TNS3: variants seen among roughly 807,000 people sequenced by gnomAD.
TNS3 encodes the protein tensin-3.
Under a neutral mutation model 140.9 loss-of-function variants are expected in TNS3, and 45 were observed. The ratio of observed to expected loss-of-function variants is 0.32; its 90% CI spans 0.25 to 0.41. TNS3 has a LOEUF of 0.41. Among genes scored for constraint, TNS3 ranks in the 10% least tolerant of loss-of-function variants. The pLI is 1.00. For missense variants in TNS3, 1,716 were observed against 1,906.7 expected (o/e 0.90, Z 1.86); for synonymous variants, 815 against 788.4 (o/e 1.03, Z -0.56).
chr7:47,362,490 G>A (rs190449857), intron 17 of TNS3, among the ~76,000 whole-genome samples: 125 of 152,154 alleles, frequency 8.2e-4, no homozygotes, highest in Middle Eastern at 3.4e-3. Context: ...AACATATGTC[G>A]AACTCTTCCT....
At chr7:47,425,552 G>A (rs1335504873) in intron 9 of TNS3, among the ~76,000 whole-genome samples, 2 of 152,146 alleles carry the variant, frequency 1.3e-5, no homozygotes, top group Admixed American at 6.5e-5. Context: ...CTAGGCAAGG[G>A]GCTGTGCTGG....
chr7:47,532,094 A>G (rs1799428195), intron 1 of TNS3, among the ~76,000 whole-genome samples: 1 of 150,632 alleles, frequency 6.6e-6, no homozygotes, highest in Non-Finnish European at 1.5e-5. Flanking sequence ...CTGCTGGCTC[A>G]GGAGTGTCTA....
In TNS3 at chr7:47,338,202, A is replaced by G. The variant is rs112680373; in HGVS notation, c.2650+6553T>C. 9.6e-3 allele frequency among the ~76,000 whole-genome samples: 1,463 copies of G among 152,282 alleles called. 15 individuals carry two copies. The highest frequency in any genetic ancestry group is 0.017 in the South Asian group (84 of 4,816). ...AACATAAGTCTATTTCTTTGGGATA[A>G]ATGCCCAGGAATGCAATCACTGAGT... On this transcript the variant is annotated intron_variant, in intron 20 of 30. Transcript: ENST00000311160.
At chr7:47,561,050 C>A (rs1186888507) in intron 1 of TNS3, among the ~76,000 whole-genome samples, 1 of 152,220 alleles carries the variant, frequency 6.6e-6, no homozygotes, top group Non-Finnish European at 1.5e-5. Context: ...AGCGTGGTCA[C>A]CTCTTTGTCT....
chr7:47,445,298 C>T (rs1333760854), intron 4 of TNS3, among the ~76,000 whole-genome samples: 1 of 152,126 alleles, frequency 6.6e-6, no homozygotes, highest in Non-Finnish European at 1.5e-5. Context: ...GAGCATTGCA[C>T]GGAGCCCAGC....
At chr7:47,452,110 A>G (rs1022301217) in intron 4 of TNS3, among the ~76,000 whole-genome samples, 1 of 152,230 alleles carries the variant, frequency 6.6e-6, no homozygotes, top group Non-Finnish European at 1.5e-5. Flanking sequence ...TGCCAAAGAA[A>G]TATTAGCTAC....
intron 16 of TNS3, among the ~76,000 whole-genome samples, chr7:47,379,828 G>A (rs1424280319): frequency 1.3e-5 from 2 of 152,242 alleles, no homozygotes; most frequent in Non-Finnish European, 2.9e-5. Context: ...ACACCTTGCT[G>A]AGACTGCCGG....
intron 1 of TNS3, among the ~76,000 whole-genome samples, chr7:47,571,224 A>G (rs1231402629): frequency 1.3e-5 from 2 of 152,238 alleles, no homozygotes; most frequent in Non-Finnish European, 2.9e-5. Context: ...CCTCGGGTAC[A>G]CAGTGTCGAC....
chr7:47,408,415 A>T (rs1793565602), intron 13 of TNS3, among the ~76,000 whole-genome samples: 1 of 149,134 alleles, frequency 6.7e-6, no homozygotes, highest in Non-Finnish European at 1.5e-5. Context: ...TGCCCACTAC[A>T]GGGTGGGACA....
chr7:47,555,005 C>T (rs1420435050), intron 1 of TNS3, among the ~76,000 whole-genome samples: 1 of 149,338 alleles, frequency 6.7e-6, no homozygotes, highest in Non-Finnish European at 1.5e-5. Context: ...TCCAGCCTGG[C>T]AACAGAGCGA....
At chr7:47,309,853 G>A (rs752358207) in intron 20 of TNS3, among the ~76,000 whole-genome samples, 70 of 152,346 alleles carry the variant, frequency 4.6e-4, no homozygotes, top group Non-Finnish European at 7.2e-4. Context: ...CAGTGCAGGA[G>A]TTAAACTTCC....
At chr7:47,435,490 A>G (rs777015577) in intron 7 of TNS3, 86 bp from the exon 8 acceptor site, 27 of 1,579,870 alleles carry the variant, frequency 1.7e-5, no homozygotes, top group Non-Finnish European at 2.1e-5. Flanking sequence ...CATCATCAGT[A>G]CATTTCATTT....
intron 20 of TNS3, among the ~76,000 whole-genome samples, chr7:47,336,720 T>A (rs2150949274): frequency 6.6e-6 from 1 of 152,106 alleles, no homozygotes; most frequent in South Asian, 2.1e-4. Flanking sequence ...TCTCATGTAC[T>A]CCATACACAC....
intron 1 of TNS3, among the ~76,000 whole-genome samples, chr7:47,556,188 T>G (rs1406497057): frequency 6.6e-6 from 1 of 152,224 alleles, no homozygotes; most frequent in African/African-American, 2.4e-5. Context: ...TGCCCTCTTT[T>G]GTAGAATAAC....
intron 13 of TNS3, among the ~76,000 whole-genome samples, chr7:47,409,395 G>A (rs185236273): frequency 1.6e-4 from 25 of 152,174 alleles, no homozygotes; most frequent in African/African-American, 2.6e-4. Flanking sequence ...GGAGAGGGCC[G>A]TCCCATGCTC....
In TNS3 at chr7:47,303,050, A is replaced by C; in HGVS notation, c.3357T>G (p.Ser1119Arg). The C allele has an allele frequency of 2.5e-6, 4 of 1,614,220 alleles. No homozygotes were observed. Among genetic ancestry groups the C allele is most frequent in the Non-Finnish European group, 3.4e-6 (4 of 1,180,036 alleles). The change falls in exon 22 of 31, where the codon AGT (serine) becomes AGG (arginine). Residue 1119 changes from serine to arginine, a missense_variant. Ser to Arg is a moderately radical substitution (Grantham distance 110). Coordinates refer to ENST00000311160, the MANE Select transcript of TNS3 (RefSeq NM_022748.12). ...RSLGSVSPSS[S>R]GFSSPHSGST... is the part of the protein sequence containing the mutation. ...TCCCGCTGTGCGGGCTGGAGAAGCC[A>C]CTGGAGGAGGGAGAGACTGAGCCCA... is the stretch of plus-strand genomic sequence containing the variant.
chr7:47,321,433 C>G (rs1219255211), intron 20 of TNS3, among the ~76,000 whole-genome samples: 1 of 152,230 alleles, frequency 6.6e-6, no homozygotes, highest in Non-Finnish European at 1.5e-5. Flanking sequence ...GAGTCCAAAA[C>G]TCACGAATAC....
chr7:47,535,013 T>C (rs1361750940), intron 1 of TNS3, among the ~76,000 whole-genome samples: 1 of 152,196 alleles, frequency 6.6e-6, no homozygotes, highest in African/African-American at 2.4e-5. Flanking sequence ...CATCTCTCTA[T>C]TGCAATGCAG....
intron 1 of TNS3, among the ~76,000 whole-genome samples, chr7:47,545,739 G>C (rs1191675953): frequency 2.0e-5 from 3 of 152,188 alleles, no homozygotes; most frequent in African/African-American, 2.4e-5. Flanking sequence ...AACATTGCCT[G>C]ACTTAGATCA....
Sources: allele counts gnomAD v4.1 joint callset (sites outside exome capture counted in the v4.1 genomes callset), GRCh38; gene constraint gnomAD v4.1.1; transcripts MANE v1.5; gene names NCBI Gene and HGNC (gene_info 2026-07-23, HGNC 2026-07-21).